Variants in DBN1 observed in about 807,000 individuals in gnomAD.
The protein encoded by DBN1 is drebrin 1, also known as drebrin.
DBN1 carries 21 observed loss-of-function variants against 83.5 expected under a neutral mutation model. The observed-to-expected ratio is 0.25, with a 90% CI of 0.18 to 0.36. The LOEUF is 0.36. DBN1 is among the 10% of genes least tolerant of loss of function. The probability of loss-of-function intolerance (pLI) is 1.00; values close to 1 mark genes in which losing one functional copy is unlikely to be tolerated. For synonymous variants in DBN1, 381 were observed against 384.9 expected, an observed-to-expected ratio of 0.99 and a Z score of 0.12; for missense variants, 874 against 935.7, an observed-to-expected ratio of 0.93 and a Z score of 0.86.
At position 177,458,673 on chromosome 5, in the gene DBN1, C is replaced by G; in HGVS notation, c.1299G>C (p.Glu433Asp). The G allele has an allele frequency of 6.4e-7, 1 of 1,563,946 alleles. No individual in the cohort carries two copies. Among genetic ancestry groups the G allele is most frequent in the Non-Finnish European group, 8.6e-7 (1 of 1,158,520 alleles). Residue 433 changes from glutamate (E) to aspartate (D), a missense_variant, in exon 13 of 15, where the codon GAG becomes GAC. Physicochemically the swap from Glu to Asp is conservative, Grantham distance 45. Coordinates refer to ENST00000393565, the MANE Select transcript of DBN1 (RefSeq NM_001363541.2). ...CCTGAGGGGCTGCTGCTCTGGTCTCCTCACTGTCTAGGATGGGGCTGGGCT... is the reference window on the plus strand; with the variant it reads ...CCTGAGGGGCTGCTGCTCTGGTCTCGTCACTGTCTAGGATGGGGCTGGGCT... Reference protein sequence around the residue: ...TQEPSPILDSEETRAAAPQAW... With the variant: ...TQEPSPILDSDETRAAAPQAW...
intron 13 of DBN1, 96 bp downstream of exon 13, chr5:177,457,962 A>C: frequency 6.5e-7 from 1 of 1,533,592 alleles, no homozygotes; most frequent in African/African-American, 1.4e-5. Context: ...GGTCACAGAG[A>C]AGGGGGTACT....
chr5:177,465,583 C>T (rs561266689), intron 8 of DBN1, among the ~76,000 whole-genome samples: 8 of 152,116 alleles, frequency 5.3e-5, no homozygotes, highest in Non-Finnish European at 1.2e-4. Flanking sequence ...TGGCCAGGCG[C>T]GGTGGCTCAC....
At position 177,466,670 on chromosome 5, in the gene DBN1, A is replaced by G; in HGVS notation, c.771+102T>C. The G allele has an allele frequency of 7.4e-7, 1 of 1,358,324 alleles. No homozygotes were observed. The highest frequency in any genetic ancestry group is 1.4e-5 in the African/African-American group (1 of 69,926). 84.1% of individuals were successfully genotyped at this position (1,358,324 alleles called of 1,614,324 possible). A position where few individuals can be genotyped will look rare whatever the true frequency, so the allele number is the denominator to read the frequency against. ...GCCCATGCAGCTCCCCAGAACAGCC[A>G]CCACTGTCCCTGAGCCACTGATCTC... On this transcript the variant is annotated intron_variant, in intron 8 of 14. Coordinates refer to ENST00000393565, the MANE Select transcript of DBN1 (RefSeq NM_001363541.2). This position sits in a 1 kb window ranked among gnomAD's most constrained non-coding sequence, Gnocchi z 4.8.
At position 177,458,550 on chromosome 5, in the gene DBN1, C is replaced by T; in HGVS notation, c.1422G>A (p.Glu474=). The change falls in exon 13 of 15, where the codon GAG becomes GAA. Residue 474 remains glutamate, a synonymous_variant. Coordinates refer to ENST00000393565, the MANE Select transcript of DBN1 (RefSeq NM_001363541.2). ...CCACGGGAGCAGCCAGGACAGCCTG[C>T]TCTGCAGACTCCATGAACATCAAGT... is the stretch of plus-strand genomic sequence containing the variant. ...AEDLMFMESA[E]QAVLAAPVEP... 3.7e-6 allele frequency: 6 copies of T among 1,614,162 alleles called. No homozygotes were observed. Among genetic ancestry groups the T allele is most frequent in the South Asian group, 1.1e-5 (1 of 91,086 alleles).
chr5:177,470,987 T>TCAG (rs1757804207), intron 1 of DBN1, among the ~76,000 whole-genome samples: 3 of 152,170 alleles, frequency 2.0e-5, no homozygotes, highest in Non-Finnish European at 4.4e-5. Context: ...ACTCAGTCAA[T>TCAG]CAGCACATCC....
intron 8 of DBN1, among the ~76,000 whole-genome samples, chr5:177,462,007 G>C (rs1236464576): frequency 2.0e-5 from 3 of 152,182 alleles, no homozygotes; most frequent in Non-Finnish European, 4.4e-5. Context: ...CTGCAAGCCC[G>C]GAGCAGCCAT....
chr5:177,462,186 T>TC (rs762635966), intron 8 of DBN1: 68 of 961,698 alleles, frequency 7.1e-5, no homozygotes, highest in Middle Eastern at 5.2e-4. Flanking sequence ...CCGTCACCTC[T>TC]CCAACACCAC....
intron 1 of DBN1, among the ~76,000 whole-genome samples, chr5:177,469,262 C>G (rs769444499): frequency 6.6e-6 from 1 of 152,060 alleles, no homozygotes; most frequent in Non-Finnish European, 1.5e-5. Flanking sequence ...ATCCTCATCC[C>G]CCATTGGCTA....
At chr5:177,463,852 G>C (rs1757217563) in intron 8 of DBN1, among the ~76,000 whole-genome samples, 1 of 152,180 alleles carries the variant, frequency 6.6e-6, no homozygotes, top group South Asian at 2.1e-4. Context: ...AACTTTATCA[G>C]GGCTGGGTGC....
chr5:177,459,836 C>T (rs1009108883), intron 10 of DBN1, 96 bp from the exon 11 acceptor site: 128 of 1,324,542 alleles, frequency 9.7e-5, no homozygotes, highest in Non-Finnish European at 1.2e-4. Flanking sequence ...CAGGGCCTGG[C>T]CCTGGATGTC....
chr5:177,468,998 G>A (rs538478535), intron 1 of DBN1, 99 bp from the exon 2 acceptor site: 94 of 649,036 alleles, frequency 1.4e-4, no homozygotes, highest in Middle Eastern at 2.9e-4. Flanking sequence ...GGAGTGGGTA[G>A]GACAGGAACG....
At chr5:177,464,889 T>C (rs755483251) in intron 8 of DBN1, among the ~76,000 whole-genome samples, 13 of 151,738 alleles carry the variant, frequency 8.6e-5, no homozygotes, top group East Asian at 7.8e-4. Flanking sequence ...GTGCAGTGGC[T>C]CACGCCTGTA....
Position 177,457,353 on chromosome 5 carries a change from G to T in DBN1, c.*80C>A. 2 of 1,245,732 alleles carry T rather than the reference G, an allele frequency of 1.6e-6. No homozygotes were observed. Among genetic ancestry groups the T allele is most frequent in the Non-Finnish European group, 2.4e-6 (2 of 847,338 alleles). 77.2% of individuals were successfully genotyped at this position (1,245,732 alleles called of 1,614,324 possible). A position where few individuals can be genotyped will look rare whatever the true frequency, so the allele number is the denominator to read the frequency against. On this transcript the variant is annotated 3_prime_UTR_variant, in exon 15 of 15. Transcript: ENST00000393565. ...GGTGCCAGGCGGAGCTGCTGCGAATGCAGGCACGGCGGGCCGTCTGGCCAG... is the reference window on the plus strand; with the variant it reads ...GGTGCCAGGCGGAGCTGCTGCGAATTCAGGCACGGCGGGCCGTCTGGCCAG...
intron 8 of DBN1, among the ~76,000 whole-genome samples, chr5:177,463,382 C>G (rs1238854344): frequency 1.3e-5 from 2 of 152,122 alleles, no homozygotes; most frequent in Non-Finnish European, 1.5e-5. Context: ...AACACTGAAA[C>G]AAGTAAGGCC....
chr5:177,472,511 T>G, intron 1 of DBN1: 2 of 858,720 alleles, frequency 2.3e-6, no homozygotes, highest in Non-Finnish European at 3.1e-6. Flanking sequence ...AGGTGGTCCA[T>G]CCCCTCCCCC....
At position 177,470,000 on chromosome 5, in the gene DBN1, G is replaced by A. The variant is rs574391939; in HGVS notation, c.87-1101C>T. Among the ~76,000 whole-genome samples, 45 of 152,334 alleles carry A rather than the reference G, an allele frequency of 3.0e-4. No individual in the cohort carries two copies. In the East Asian group the frequency reaches 6.4e-3, roughly 22 times the overall value. On this transcript the variant is annotated intron_variant, in intron 1 of 14. Transcript: ENST00000393565. ...AGCAGAGGGAGAAACCAGGAGAGGA[G>A]GAAGAAGAGAAAGGACAGAAGTGAA...
chr5:177,466,989 C>T lies in DBN1; in HGVS notation c.629G>A (p.Arg210Gln). The change falls in exon 7 of 15, where the codon CGG (arginine) becomes CAG (glutamine). Residue 210 changes from arginine (R) to glutamine (Q), a missense_variant. Arg to Gln is a conservative substitution (Grantham distance 43, BLOSUM62 1). Transcript: ENST00000393565. The surrounding 1 kb of genome is among the most constrained non-coding windows in gnomAD (Gnocchi z 4.8). ...LDERLRFEQE[R>Q]MEQERQEQEE... ...TTGCTCCTGCCGCTCCTGCTCCATC[C>T]GCTCCTGCTCGAACCTGAGCCTCTC... The T allele has an allele frequency of 1.2e-6, 2 of 1,613,540 alleles. No homozygotes were observed. The highest frequency in any genetic ancestry group is 1.7e-6 in the Non-Finnish European group (2 of 1,179,928).
chr5:177,473,557 C>A lies in DBN1; in HGVS notation c.-36G>T, dbSNP rs1258192255. The A allele has an allele frequency of 2.4e-6, 3 of 1,227,484 alleles. No individual in the cohort carries two copies. In the South Asian group the frequency reaches 5.6e-5, roughly 23 times the overall value. The allele number at this position is 1,227,484 out of a possible 1,614,324, so 76.0% of individuals were successfully genotyped here. Reference sequence around the variant, plus strand: ...GGACCGGGCCGAACGGACAGACGCGCGGACGGACGGGCGGACGGAGGAGGA... The same window carrying A: ...GGACCGGGCCGAACGGACAGACGCGAGGACGGACGGGCGGACGGAGGAGGA... On this transcript the variant is annotated 5_prime_UTR_variant, in exon 1 of 15. Coordinates refer to ENST00000393565, the MANE Select transcript of DBN1 (RefSeq NM_001363541.2).
chr5:177,470,890 G>A (rs759897891), intron 1 of DBN1, among the ~76,000 whole-genome samples: 32 of 148,586 alleles, frequency 2.2e-4, no homozygotes, highest in East Asian at 2.0e-3. Flanking sequence ...TGGGGTAGGC[G>A]ACCAGGCATC....
Sources: allele counts gnomAD v4.1 joint callset (sites outside exome capture counted in the v4.1 genomes callset), GRCh38; gene constraint gnomAD v4.1.1; non-coding constraint Gnocchi (gnomAD v3.1); transcripts MANE v1.5; gene names NCBI Gene and HGNC (gene_info 2026-07-23, HGNC 2026-07-21).